ZNF385D: variants seen among roughly 807,000 people sequenced by gnomAD.
The protein encoded by ZNF385D is zinc finger protein 385D, also known as zinc finger protein 659.
ZNF385D carries 15 observed loss-of-function variants against 35.8 expected under a neutral mutation model. That is an observed-to-expected ratio of 0.42 (90% CI 0.28 to 0.64). The LOEUF (loss-of-function observed/expected upper bound fraction) is 0.64, where lower values mean the gene tolerates loss of function less well. Ranked by LOEUF, ZNF385D falls within the 30% of genes least tolerant of loss-of-function variation. ZNF385D has a pLI of 0.23. For synonymous variants in ZNF385D, 212 were observed against 186.8 expected, an observed-to-expected ratio of 1.13 and a Z score of -1.10; for missense variants, 474 against 494.6, an observed-to-expected ratio of 0.96 and a Z score of 0.39.
intron 2 of ZNF385D, among the ~76,000 whole-genome samples, chr3:22,243,723 C>T (rs1374628134): frequency 6.6e-6 from 1 of 150,826 alleles, no homozygotes; most frequent in East Asian, 2.0e-4. Flanking sequence ...GGAGGGTAGG[C>T]AGCTCTCAGA....
intron 3 of ZNF385D, among the ~76,000 whole-genome samples, chr3:21,821,912 G>A (rs148529374): frequency 2.1e-5 from 3 of 144,860 alleles, no homozygotes; most frequent in East Asian, 2.0e-4. Flanking sequence ...GCTGCAGTGA[G>A]CCATCATCAC....
At chr3:22,263,263 C>T (rs923600466) in intron 2 of ZNF385D, among the ~76,000 whole-genome samples, 8 of 151,990 alleles carry the variant, frequency 5.3e-5, no homozygotes, top group Non-Finnish European at 4.4e-5. Context: ...TCAGTCACCT[C>T]CAGCAAAGCT....
intron 3 of ZNF385D, among the ~76,000 whole-genome samples, chr3:22,163,165 T>C (rs1199386758): frequency 2.0e-5 from 3 of 152,072 alleles, no homozygotes; most frequent in Admixed American, 1.3e-4. Context: ...GTAGTTCCCA[T>C]GAGCTGAAGG....
intron 3 of ZNF385D, among the ~76,000 whole-genome samples, chr3:22,085,249 T>C (rs916412343): frequency 2.6e-5 from 4 of 151,920 alleles, no homozygotes; most frequent in Admixed American, 6.6e-5. Context: ...CTGAAGGAGA[T>C]AGAATCATAA....
At chr3:21,874,753 G>T (rs548487470) in intron 3 of ZNF385D, among the ~76,000 whole-genome samples, 1 of 151,908 alleles carries the variant, frequency 6.6e-6, no homozygotes, top group Non-Finnish European at 1.5e-5. Flanking sequence ...TTATAATTTT[G>T]ATTTTCTATT....
At chr3:21,901,295 T>G (rs1325833050) in intron 3 of ZNF385D, among the ~76,000 whole-genome samples, 4 of 152,126 alleles carry the variant, frequency 2.6e-5, no homozygotes, top group African/African-American at 7.2e-5. Flanking sequence ...CACCCACGCC[T>G]CCCAAGCCTA....
At chr3:22,342,276 CAAA>C (rs766689054) in intron 2 of ZNF385D, among the ~76,000 whole-genome samples, 2,707 of 53,078 alleles carry the variant, frequency 0.051, 23 homozygotes, top group African/African-American at 0.15. Context: ...GACTCCGCCT[CAAA>C]AAAAAAAAAA....
chr3:21,616,446 A>T (rs1424873298), intron 2 of ZNF385D, among the ~76,000 whole-genome samples: 1 of 152,180 alleles, frequency 6.6e-6, no homozygotes, highest in Non-Finnish European at 1.5e-5. Context: ...TGAGAAAATC[A>T]ATTTCCTTGC....
intron 3 of ZNF385D, among the ~76,000 whole-genome samples, chr3:22,001,152 T>C (rs111424290): frequency 4.9e-4 from 75 of 152,154 alleles, no homozygotes; most frequent in African/African-American, 1.7e-3. Context: ...CTACCAATAA[T>C]CGTCTTGAAT....
chr3:21,556,807 G>A (rs7620851), intron 3 of ZNF385D, among the ~76,000 whole-genome samples: 105,365 of 152,050 alleles, frequency 0.69, 37,659 homozygotes, highest in African/African-American at 0.88. Context: ...CCTATCCGTG[G>A]GCATGGAATG....
At chr3:22,033,980 G>T (rs1022597523) in intron 3 of ZNF385D, among the ~76,000 whole-genome samples, 8 of 152,148 alleles carry the variant, frequency 5.3e-5, no homozygotes, top group Non-Finnish European at 1.0e-4. Flanking sequence ...GAGACGGTTT[G>T]CTTAGGACAG....
chr3:22,105,379 CTA>C (rs1559372549), intron 3 of ZNF385D, among the ~76,000 whole-genome samples: 1 of 151,322 alleles, frequency 6.6e-6, no homozygotes, highest in African/African-American at 2.4e-5. Flanking sequence ...ATATCTCTCT[CTA>C]TATGTGTGTG....
At chr3:21,946,987 A>C (rs1413013312) in intron 3 of ZNF385D, among the ~76,000 whole-genome samples, 1 of 143,724 alleles carries the variant, frequency 7.0e-6, no homozygotes, top group African/African-American at 2.6e-5. Flanking sequence ...ATTAATGCCA[A>C]TTTGACCCTT....
chr3:21,950,042 A>G (rs1170442559), intron 3 of ZNF385D, among the ~76,000 whole-genome samples: 2 of 152,102 alleles, frequency 1.3e-5, no homozygotes, highest in South Asian at 2.1e-4. Context: ...TTTATAGTAG[A>G]ATGATTTATA....
intron 2 of ZNF385D, among the ~76,000 whole-genome samples, chr3:21,619,764 G>A (rs1559465222): frequency 6.6e-6 from 1 of 152,128 alleles, no homozygotes; most frequent in Non-Finnish European, 1.5e-5. Context: ...AGACCTAATT[G>A]CTAAAGTGAT....
At chr3:21,466,304 C>G (rs1384218226) in intron 4 of ZNF385D, among the ~76,000 whole-genome samples, 1 of 152,150 alleles carries the variant, frequency 6.6e-6, no homozygotes, top group Middle Eastern at 3.2e-3. Flanking sequence ...ACTTTGCCTA[C>G]TCCTTCATAC....
chr3:21,615,420 A>G (rs1038465936), intron 2 of ZNF385D, among the ~76,000 whole-genome samples: 4 of 152,198 alleles, frequency 2.6e-5, no homozygotes, highest in Non-Finnish European at 5.9e-5. Flanking sequence ...AGGCTCAGGT[A>G]TTTGTTAATA....
At chr3:21,687,192 C>T (rs1043157661) in intron 1 of ZNF385D, among the ~76,000 whole-genome samples, 4 of 152,078 alleles carry the variant, frequency 2.6e-5, no homozygotes, top group East Asian at 1.9e-4. Flanking sequence ...CAGAAACATG[C>T]GTGGGGTCAT....
chr3:22,087,088 A>G (rs150728879), intron 3 of ZNF385D, among the ~76,000 whole-genome samples: 1 of 152,290 alleles, frequency 6.6e-6, no homozygotes, highest in African/African-American at 2.4e-5. Flanking sequence ...AAAAAGAAAA[A>G]AAGAATTTTC....
Sources: allele counts gnomAD v4.1 joint callset (sites outside exome capture counted in the v4.1 genomes callset), GRCh38; gene constraint gnomAD v4.1.1; transcripts MANE v1.5; gene names NCBI Gene and HGNC (gene_info 2026-07-23, HGNC 2026-07-21).